ATP2B2: variants seen among roughly 807,000 people sequenced by gnomAD.
ATP2B2 encodes plasma membrane calcium-transporting ATPase 2.
ATP2B2 carries 15 observed loss-of-function variants against 120.0 expected under a neutral mutation model. The ratio of observed to expected loss-of-function variants is 0.12; its 90% CI spans 0.08 to 0.19. The LOEUF is 0.19. Ranked by LOEUF, ATP2B2 falls within the 10% of genes least tolerant of loss-of-function variation. The pLI is 1.00. For synonymous variants in ATP2B2, 694 were observed against 700.3 expected (o/e 0.99, Z 0.14); for missense variants, 1,045 against 1,719.8 (o/e 0.61, Z 6.94).
rs996146909 is a variant in ATP2B2, at chr3:10,343,198, C to T, written c.2704-233G>A. Among the ~76,000 whole-genome samples the T allele has an allele frequency of 6.6e-5, 10 of 152,178 alleles. No individual in the cohort carries two copies. Among genetic ancestry groups the T allele is most frequent in the African/African-American group, 2.4e-4 (10 of 41,436 alleles). On this transcript the variant is annotated intron_variant, in intron 18 of 22. Coordinates refer to ENST00000360273, the MANE Select transcript of ATP2B2 (RefSeq NM_001001331.4). The surrounding 1 kb of genome is among the most constrained non-coding windows in gnomAD (Gnocchi z 4.2). The stretch of plus-strand genomic sequence containing the variant: ...CAGGAGATAAGTGAGTCCCCCCAGG[C>T]CCAATGGCCACCAGCTCCCTGCCTT...
chr3:10,623,104 C>A (rs1386490041), intron 1 of ATP2B2, among the ~76,000 whole-genome samples: 2 of 148,260 alleles, frequency 1.3e-5, no homozygotes, highest in Non-Finnish European at 1.5e-5. Context: ...TCTCTGTTGC[C>A]CTGGCTGGAG....
chr3:10,671,301 G>C (rs1021118425), intron 1 of ATP2B2, among the ~76,000 whole-genome samples: 1 of 152,192 alleles, frequency 6.6e-6, no homozygotes, highest in African/African-American at 2.4e-5. Context: ...TTCAGCTATC[G>C]ACTGCTCTGT....
chr3:10,669,697 A>C (rs964065324), intron 1 of ATP2B2, among the ~76,000 whole-genome samples: 1 of 152,038 alleles, frequency 6.6e-6, no homozygotes, highest in African/African-American at 2.4e-5. Context: ...GTGCCCAGAG[A>C]CCCTGGCCAT....
At position 10,370,640 on chromosome 3, in the gene ATP2B2, T is replaced by C. The variant is rs183034060; in HGVS notation, c.1659+1169A>G. Among the ~76,000 whole-genome samples the C allele has an allele frequency of 1.9e-3, 286 of 152,276 alleles. 2 individuals are homozygous for C. Among genetic ancestry groups the C allele is most frequent in the African/African-American group, 6.7e-3 (279 of 41,560 alleles). ...CCTCCTTCCCCTACCAGCCCTTGGCTCTTTGCTGCTGACTCACGCTCTCTT... is the reference window on the plus strand; with the variant it reads ...CCTCCTTCCCCTACCAGCCCTTGGCCCTTTGCTGCTGACTCACGCTCTCTT... On this transcript the variant is annotated intron_variant, in intron 12 of 22. Transcript: ENST00000360273.
chr3:10,560,294 G>A (rs540329037), intron 2 of ATP2B2, among the ~76,000 whole-genome samples: 6 of 152,258 alleles, frequency 3.9e-5, no homozygotes, highest in South Asian at 2.1e-4. Context: ...TTCTGATGAC[G>A]GCTGGAGTCA....
chr3:10,394,080 C>A (rs765837436), intron 5 of ATP2B2, among the ~76,000 whole-genome samples: 21 of 152,062 alleles, frequency 1.4e-4, no homozygotes, highest in Non-Finnish European at 2.6e-4. Flanking sequence ...GGGGCTGGAC[C>A]TAGGGTTCCT....
intron 2 of ATP2B2, among the ~76,000 whole-genome samples, chr3:10,578,227 G>A (rs907371781): frequency 6.6e-6 from 1 of 152,154 alleles, no homozygotes; most frequent in Non-Finnish European, 1.5e-5. Context: ...AGTGTGAAAT[G>A]GAACAGCCAT....
At chr3:10,542,748 C>A (rs13086272) in intron 2 of ATP2B2, among the ~76,000 whole-genome samples, 17,451 of 152,210 alleles carry the variant, frequency 0.11, 1,623 homozygotes, top group East Asian at 0.47. Context: ...TTCTTTCTCA[C>A]TGCCTTCAAG....
chr3:10,511,742 T>C (rs566746210), intron 3 of ATP2B2, among the ~76,000 whole-genome samples: 1 of 152,154 alleles, frequency 6.6e-6, no homozygotes, highest in South Asian at 2.1e-4. Context: ...TATTCCTAAA[T>C]GGCCCCTCCA....
At chr3:10,386,429 G>A (rs2061681667) in intron 7 of ATP2B2, 51 bp downstream of exon 7, 1 of 1,596,362 alleles carries the variant, frequency 6.3e-7, no homozygotes, top group African/African-American at 1.3e-5. Context: ...AATGACCAAA[G>A]CCTGCTGCTA....
intron 5 of ATP2B2, among the ~76,000 whole-genome samples, chr3:10,399,263 C>T (rs2124953760): frequency 6.6e-6 from 1 of 152,344 alleles, no homozygotes; most frequent in South Asian, 2.1e-4. Flanking sequence ...ATTGAAATCT[C>T]ATGTGGCCCT....
chr3:10,635,550 C>T lies in ATP2B2; in HGVS notation c.-459-15589G>A, dbSNP rs2069999412. Among the ~76,000 whole-genome samples the T allele has an allele frequency of 6.6e-6, 1 of 152,196 alleles. No individual in the cohort carries two copies. Among genetic ancestry groups the T allele is most frequent in the Admixed American group, 6.5e-5 (1 of 15,288 alleles). The stretch of plus-strand genomic sequence containing the variant: ...CTCTCCCTCTCCAGTGTTCTGAGCC[C>T]TCCAGATGGCAGGGGGAGACAAGAA... On this transcript the variant is annotated intron_variant, in intron 1 of 21. Coordinates refer to the ATP2B2 transcript ENST00000646379. The surrounding 1 kb of genome is among the most constrained non-coding windows in gnomAD (Gnocchi z 4.3).
chr3:10,541,116 A>G (rs769755036), intron 2 of ATP2B2, among the ~76,000 whole-genome samples: 9 of 151,808 alleles, frequency 5.9e-5, no homozygotes, highest in Non-Finnish European at 8.8e-5. Flanking sequence ...TCTTTGTTTC[A>G]TTCTCAATTT....
chr3:10,566,966 C>T (rs565495979), intron 2 of ATP2B2, among the ~76,000 whole-genome samples: 19 of 152,260 alleles, frequency 1.2e-4, no homozygotes, highest in East Asian at 3.9e-4. Context: ...ATAAGACATC[C>T]GACACTGTGC....
chr3:10,494,518 G>A (rs905746657), intron 1 of ATP2B2, among the ~76,000 whole-genome samples: 5 of 152,252 alleles, frequency 3.3e-5, no homozygotes, highest in Middle Eastern at 6.8e-3. Flanking sequence ...CAGTTAAGAT[G>A]CCACAATTCT....
rs767707953 is a variant in ATP2B2 at position 10,345,399 on chromosome 3, G to A, written c.2688C>T (p.Gly896=). ...NVVAVIVAFT[G]ACITQDSPLK... is the part of the protein sequence containing the mutation. ...GCGGACCCACCTGCGTGATGCAGGC[G>A]CCTGTGAAGGCCACAATCACGGCCA... Residue 896 remains glycine (G), a synonymous_variant, in exon 18 of 23, where the codon GGC becomes GGT. Transcript: ENST00000360273. The A allele has an allele frequency of 2.6e-5, 42 of 1,614,072 alleles. 1 individual carries two copies. Among genetic ancestry groups the A allele is most frequent in the East Asian group, 8.9e-5 (4 of 44,892 alleles).
chr3:10,410,035 C>A (rs532630909), intron 3 of ATP2B2, among the ~76,000 whole-genome samples: 54 of 152,310 alleles, frequency 3.5e-4, no homozygotes, highest in African/African-American at 1.2e-3. Context: ...TAGGATGGGG[C>A]CTGACAACGA....
chr3:10,379,110 A>G, intron 9 of ATP2B2, 133 bp downstream of exon 9: 1 of 1,078,888 alleles, frequency 9.3e-7, no homozygotes, highest in Non-Finnish European at 1.4e-6. Flanking sequence ...TACACCCCCA[A>G]GGTCGTCAGA....
intron 1 of ATP2B2, among the ~76,000 whole-genome samples, chr3:10,638,927 A>T (rs746218263): frequency 1.3e-5 from 2 of 152,246 alleles, no homozygotes; most frequent in Non-Finnish European, 2.9e-5. Context: ...ATGATTAAGC[A>T]TCTAATAAGG....
Sources: allele counts gnomAD v4.1 joint callset (sites outside exome capture counted in the v4.1 genomes callset), GRCh38; gene constraint gnomAD v4.1.1; non-coding constraint Gnocchi (gnomAD v3.1); transcripts MANE v1.5; gene names NCBI Gene and HGNC (gene_info 2026-07-23, HGNC 2026-07-21).